HNRNPL: variants seen among roughly 807,000 people sequenced by gnomAD.
HNRNPL encodes epididymis secretory sperm binding protein.
HNRNPL carries 12 observed loss-of-function variants against 64.0 expected under a neutral mutation model. The ratio of observed to expected loss-of-function variants is 0.19; its 90% CI spans 0.12 to 0.30. The LOEUF (loss-of-function observed/expected upper bound fraction) is 0.30, where lower values mean the gene tolerates loss of function less well. HNRNPL is among the 10% of genes least tolerant of loss of function. The pLI is 1.00. For missense variants in HNRNPL, 484 were observed against 797.4 expected, an observed-to-expected ratio of 0.61 and a Z score of 4.73; for synonymous variants, 385 against 313.0, an observed-to-expected ratio of 1.23 and a Z score of -2.43.
At chr19:38,848,045 T>C (rs187624678) in intron 1 of HNRNPL, among the ~76,000 whole-genome samples, 2 of 152,186 alleles carry the variant, frequency 1.3e-5, no homozygotes, top group Admixed American at 6.5e-5. Flanking sequence ...AAATCTGCTT[T>C]GGAAATTACT....
chr19:38,847,408 G>A lies in HNRNPL; in HGVS notation c.294C>T (p.Thr98=), dbSNP rs199847661. The change falls in exon 2 of 13, where the codon ACC becomes ACT. Residue 98 remains threonine, a synonymous_variant. Coordinates refer to ENST00000221419, the MANE Select transcript of HNRNPL (RefSeq NM_001533.3). ...TGATGTGGACAACTGGGGAGGCAGG[G>A]GTTTTGTGCGGGTCATCGTAGTTCT... is the stretch of plus-strand genomic sequence containing the variant. ...GGENYDDPHK[T]PASPVVHIRG... 116 of 1,544,768 alleles carry A rather than the reference G, an allele frequency of 7.5e-5. No individual in the cohort carries two copies. The highest frequency in any genetic ancestry group is 5.6e-5 in the Non-Finnish European group (64 of 1,146,874).
chr19:38,850,195 C>T (rs1972464808), upstream of HNRNPL: 1 of 403,070 alleles, frequency 2.5e-6, no homozygotes, highest in Non-Finnish European at 4.4e-6. Flanking sequence ...GTCTTTCCGT[C>T]GACCCCGCCG....
At chr19:38,837,694 G>C in intron 10 of HNRNPL, 43 bp from the exon 11 acceptor site, 1 of 1,569,736 alleles carries the variant, frequency 6.4e-7, no homozygotes, top group Non-Finnish European at 8.8e-7. Context: ...GAAACAAAAG[G>C]GCCGCCACAC....
chr19:38,838,522 T>C lies in HNRNPL; in HGVS notation c.1432A>G (p.Ser478Gly), dbSNP rs751146495. ...EDGSCSYKDF[S>G]ESRNNRFSTP... is the part of the protein sequence containing the mutation. ...GAGAACCGATTGTTCCGGGATTCACTGAAGTCTTTGTAACTGCAAGACCCG... is the reference window on the plus strand; with the variant it reads ...GAGAACCGATTGTTCCGGGATTCACCGAAGTCTTTGTAACTGCAAGACCCG... Residue 478 changes from serine (S) to glycine (G), a missense_variant, in exon 10 of 13, where the codon AGT becomes GGT. Ser to Gly is a moderately conservative substitution (Grantham distance 56). Transcript: ENST00000221419. 1.2e-6 allele frequency: 2 copies of C among 1,614,158 alleles called. No homozygotes were observed. Among genetic ancestry groups the C allele is most frequent in the South Asian group, 1.1e-5 (1 of 91,080 alleles).
chr19:38,846,481 G>A (rs984715585), intron 2 of HNRNPL, among the ~76,000 whole-genome samples: 1 of 152,210 alleles, frequency 6.6e-6, no homozygotes, highest in Admixed American at 6.5e-5. Context: ...CTGAATGAAA[G>A]AACACTGGCC....
At chr19:38,839,877 A>G (rs959619826) in intron 8 of HNRNPL, among the ~76,000 whole-genome samples, 1 of 152,210 alleles carries the variant, frequency 6.6e-6, no homozygotes, top group Non-Finnish European at 1.5e-5. Flanking sequence ...TTATGTGATA[A>G]AATCTTTTTT....
chr19:38,837,649 G>C lies in HNRNPL; in HGVS notation c.1560C>G (p.Ile520Met). The C allele has an allele frequency of 6.2e-7, 1 of 1,614,182 alleles. No homozygotes were observed. Among genetic ancestry groups the C allele is most frequent in the Non-Finnish European group, 8.5e-7 (1 of 1,180,006 alleles). ...GCCGCTTCACTCCCAGCTCATCGCA[G>C]ATCTGCAAAAGAAAACAGGTAGTAA... ...LEVTEENFFEICDELGVKRPS... is the reference protein window; with the variant it reads ...LEVTEENFFEMCDELGVKRPS... Residue 520 changes from isoleucine (I) to methionine (M), a missense_variant and splice_region_variant, in exon 11 of 13, where the codon ATC becomes ATG. Ile to Met is a conservative substitution (Grantham distance 10). Transcript: ENST00000221419.
intron 1 of HNRNPL, 116 bp downstream of exon 1, chr19:38,849,584 C>A (rs1972430863): frequency 2.4e-6 from 3 of 1,250,236 alleles, no homozygotes; most frequent in Admixed American, 3.6e-5. Flanking sequence ...ACACCGTCAA[C>A]GACGCGATGG....
chr19:38,836,940 T>C (rs1568365876), intron 12 of HNRNPL, 160 bp from the exon 13 acceptor site: 1 of 587,516 alleles, frequency 1.7e-6, no homozygotes, highest in East Asian at 2.9e-5. Context: ...CAATTACCAA[T>C]TATGCACGGC....
rs1972003068 is a variant in HNRNPL, at chr19:38,838,506, T to C, written c.1448A>G (p.Asn483Ser). Residue 483 changes from asparagine to serine, a missense_variant, in exon 10 of 13, where the codon AAT becomes AGT. Physicochemically the swap from Asn to Ser is conservative, Grantham distance 46. Transcript: ENST00000221419. ...SYKDFSESRN[N>S]RFSTPEQAAK... Reference sequence around the variant, plus strand: ...TGCCTGCTCTGGGGTGGAGAACCGATTGTTCCGGGATTCACTGAAGTCTTT... The same window carrying C: ...TGCCTGCTCTGGGGTGGAGAACCGACTGTTCCGGGATTCACTGAAGTCTTT... The C allele has an allele frequency of 6.2e-7, 1 of 1,614,148 alleles. No homozygotes were observed. Among genetic ancestry groups the C allele is most frequent in the Non-Finnish European group, 8.5e-7 (1 of 1,179,998 alleles).
chr19:38,837,782 T>C lies in HNRNPL; in HGVS notation c.1558-131A>G. ...GAAAAGGCTTGTAGATTTTATCACA[T>C]ACCCTAAGGCATCCCTGTGTCATAA... On this transcript the variant is annotated intron_variant, in intron 10 of 12. Coordinates refer to ENST00000221419, the MANE Select transcript of HNRNPL (RefSeq NM_001533.3). 1.5e-5 allele frequency: 11 copies of C among 717,656 alleles called. 1 individual carries two copies. In the South Asian group the frequency reaches 1.8e-4, roughly 12 times the overall value. 44.5% of individuals were successfully genotyped at this position (717,656 alleles called of 1,614,324 possible).
At chr19:38,843,150 T>A in intron 6 of HNRNPL, among the ~76,000 whole-genome samples, 1 of 152,072 alleles carries the variant, frequency 6.6e-6, no homozygotes, top group East Asian at 1.9e-4. Context: ...GTCCGACGTA[T>A]CAGACCAAGA....
Position 38,838,660 on chromosome 19 carries a change from T to C in HNRNPL, c.1356-62A>G. On this transcript the variant is annotated intron_variant, in intron 9 of 12. Coordinates refer to ENST00000221419, the MANE Select transcript of HNRNPL (RefSeq NM_001533.3). ...CAAAGTTGTCCCTGAAGCTTTCCCC[T>C]GTGGCCTCCAGAGGCTTAGCTTGCC... 2.0e-6 allele frequency: 3 copies of C among 1,528,638 alleles called. No homozygotes were observed. In the South Asian group the frequency reaches 3.4e-5, roughly 17 times the overall value. The allele number at this position is 1,528,638 out of a possible 1,614,324, so 94.7% of individuals were successfully genotyped here. A position where few individuals can be genotyped will look rare whatever the true frequency, so the allele number is the denominator to read the frequency against.
chr19:38,839,020 G>T lies in HNRNPL; in HGVS notation c.1234-5C>A. 1 of 1,613,906 alleles carries T rather than the reference G, an allele frequency of 6.2e-7. No individual in the cohort carries two copies. The highest frequency in any genetic ancestry group is 1.1e-5 in the South Asian group (1 of 91,060). ...CTTGCTTTTCATGAATTTCACCTTG[G>T]GGAGAGTAGCTGCAGTCAGCACCTC... On this transcript the variant is annotated splice_polypyrimidine_tract_variant and splice_region_variant and intron_variant, in intron 8 of 12. Coordinates refer to ENST00000221419, the MANE Select transcript of HNRNPL (RefSeq NM_001533.3).
At chr19:38,846,967 G>A (rs1002972785) in intron 2 of HNRNPL, among the ~76,000 whole-genome samples, 10 of 152,066 alleles carry the variant, frequency 6.6e-5, no homozygotes, top group African/African-American at 2.2e-4. Context: ...GGTGGCGCAT[G>A]CCTATAGTCC....
At chr19:38,847,570 G>A in intron 1 of HNRNPL, 136 bp from the exon 2 acceptor site, 1 of 457,964 alleles carries the variant, frequency 2.2e-6, no homozygotes, top group Middle Eastern at 3.2e-4. Flanking sequence ...AAAGACTAGG[G>A]GCAGCAATTG....
intron 1 of HNRNPL, among the ~76,000 whole-genome samples, chr19:38,848,368 T>C (rs1284936453): frequency 2.0e-5 from 3 of 152,192 alleles, no homozygotes; most frequent in Admixed American, 6.6e-5. Flanking sequence ...GCTGGGATTA[T>C]AGGCATGAGC....
At chr19:38,850,375 C>A (rs377336511), upstream of HNRNPL, 1 of 179,266 alleles carries the variant, frequency 5.6e-6, no homozygotes, top group Non-Finnish European at 1.2e-5. Context: ...GACCTTCCCG[C>A]GCCACTTCGC....
At chr19:38,839,294 T>C (rs1249817395) in intron 8 of HNRNPL, 6 of 411,094 alleles carry the variant, frequency 1.5e-5, no homozygotes, top group Admixed American at 1.1e-4. Context: ...AAATCAGCCA[T>C]TTTCACCATT....
Sources: allele counts gnomAD v4.1 joint callset (sites outside exome capture counted in the v4.1 genomes callset), GRCh38; gene constraint gnomAD v4.1.1; transcripts MANE v1.5; gene names NCBI Gene and HGNC (gene_info 2026-07-23, HGNC 2026-07-21).